Variants in AQP1 observed in about 807,000 individuals in gnomAD.
AQP1 encodes aquaporin-1.
In AQP1, 11 loss-of-function variants were observed where a neutral mutation model predicts 19.7. That is an observed-to-expected ratio of 0.56 (90% CI 0.35 to 0.92). The LOEUF (loss-of-function observed/expected upper bound fraction) is 0.92. AQP1 is among the 40% of genes least tolerant of loss of function. The probability of loss-of-function intolerance (pLI) is 0.01; values close to 1 mark genes in which losing one functional copy is unlikely to be tolerated. For missense variants in AQP1, 320 were observed against 369.7 expected (o/e 0.87, Z 1.10); for synonymous variants, 159 against 166.7 (o/e 0.95, Z 0.36).
chr7:30,920,334 C>G (rs937732494), intron 1 of AQP1, among the ~76,000 whole-genome samples: 1 of 152,200 alleles, frequency 6.6e-6, no homozygotes, highest in Non-Finnish European at 1.5e-5. Flanking sequence ...ACAGGGGCCT[C>G]ACAGGTGCAA....
In AQP1 at chr7:30,924,901, G is replaced by GTCACTGCAACCTCCACCTCCCGGGTTCAA. The variant is rs1562581869; in HGVS notation, c.*1272_*1273insTCACTGCAACCTCCACCTCCCGGGTTCAA. 1 of 152,262 alleles carries GTCACTGCAACCTCCACCTCCCGGGTTCAA rather than the reference G, an allele frequency of 6.6e-6. No homozygotes were observed. The highest frequency in any genetic ancestry group is 6.5e-5 in the Admixed American group (1 of 15,286). 9.4% of individuals were successfully genotyped at this position (152,262 alleles called of 1,614,324 possible). Reference sequence around the variant, plus strand: ...CCTTCCCTCTGCATTGACCTGGAGGGGAGAGGTCAGCCTTGACCTAATGAG... The same window carrying GTCACTGCAACCTCCACCTCCCGGGTTCAA: ...CCTTCCCTCTGCATTGACCTGGAGGGTCACTGCAACCTCCACCTCCCGGGTTCAAGAGAGGTCAGCCTTGACCTAATGAG... On this transcript the variant is annotated 3_prime_UTR_variant, in exon 4 of 4. Coordinates refer to ENST00000311813, the MANE Select transcript of AQP1 (RefSeq NM_198098.4).
Position 30,922,224 on chromosome 7 carries a change from C to G in AQP1, c.543C>G (p.Leu181=). 1 of 1,602,528 alleles carries G rather than the reference C, an allele frequency of 6.2e-7. No individual in the cohort carries two copies. The stretch of plus-strand genomic sequence containing the variant: ...GCCTCTCTGTAGCCCTTGGACACCT[C>G]CTGGCTGTGAGTCAGGGGCCCTCCC... ...AIGLSVALGH[L]LAIDYTGCGI... Residue 181 remains leucine (L), a synonymous_variant, in exon 2 of 4, where the codon CTC becomes CTG. Transcript: ENST00000311813.
rs542134251 is a variant in AQP1 at position 30,912,415 on chromosome 7, A to C, written c.384+122A>C. Reference sequence around the variant, plus strand: ...AACGGAGAGGACAAGAGGTTGCTGGAGGTCACGTAGAGAGCTGGGGGGAAG... The same window carrying C: ...AACGGAGAGGACAAGAGGTTGCTGGCGGTCACGTAGAGAGCTGGGGGGAAG... On this transcript the variant is annotated intron_variant, in intron 1 of 3. Coordinates refer to ENST00000311813, the MANE Select transcript of AQP1 (RefSeq NM_198098.4). The surrounding 1 kb of genome is among the most constrained non-coding windows in gnomAD (Gnocchi z 4.3). 2 of 1,419,322 alleles carry C rather than the reference A, an allele frequency of 1.4e-6. No individual in the cohort carries two copies. Among genetic ancestry groups the C allele is most frequent in the Non-Finnish European group, 1.9e-6 (2 of 1,053,520 alleles). 87.9% of individuals were successfully genotyped at this position (1,419,322 alleles called of 1,614,324 possible). A position where few individuals can be genotyped will look rare whatever the true frequency, so the allele number is the denominator to read the frequency against.
At chr7:30,916,275 C>T (rs1314831707) in intron 1 of AQP1, among the ~76,000 whole-genome samples, 3 of 152,222 alleles carry the variant, frequency 2.0e-5, no homozygotes, top group Non-Finnish European at 4.4e-5. Context: ...ACCTTGCCTT[C>T]CCTTCTCCAC....
intron 1 of AQP1, chr7:30,921,578 G>A: frequency 6.5e-7 from 1 of 1,548,470 alleles, no homozygotes. Flanking sequence ...CTCAGCCCTG[G>A]AATTTAGATG....
chr7:30,923,612 G>A lies in AQP1; in HGVS notation c.793G>A (p.Glu265Lys). ...LDADDINSRV[E>K]MKPK ...TGCCGACGACATCAACTCCAGGGTG[G>A]AGATGAAGCCCAAATAGAAGGGGTC... Residue 265 changes from glutamate to lysine, a missense_variant, in exon 4 of 4, where the codon GAG becomes AAG. Physicochemically the swap from Glu to Lys is moderately conservative, Grantham distance 56 (BLOSUM62 1). Transcript: ENST00000311813. The surrounding 1 kb of genome is among the most constrained non-coding windows in gnomAD (Gnocchi z 4.8). The A allele has an allele frequency of 6.4e-7, 1 of 1,565,448 alleles. No individual in the cohort carries two copies.
At chr7:30,921,805 G>A (rs1291697153) in intron 1 of AQP1, 1 of 1,550,428 alleles carries the variant, frequency 6.4e-7, no homozygotes, top group Admixed American at 2.0e-5. Context: ...GGCCTCTCCA[G>A]CTTCTAGGCA....
rs1184690490 is a variant in AQP1 at position 30,923,841 on chromosome 7, C to T, written c.*212C>T. 1.3e-6 allele frequency: 2 copies of T among 1,524,198 alleles called. No individual in the cohort carries two copies. The allele number at this position is 1,524,198 out of a possible 1,614,324, so 94.4% of individuals were successfully genotyped here. Reference sequence around the variant, plus strand: ...CCTGGCCTCAGAGCTTCCTGGGGACCAAGATTTACCAATTCACCCACTCCC... The same window carrying T: ...CCTGGCCTCAGAGCTTCCTGGGGACTAAGATTTACCAATTCACCCACTCCC... On this transcript the variant is annotated 3_prime_UTR_variant, in exon 4 of 4. Transcript: ENST00000311813. The surrounding 1 kb of genome is among the most constrained non-coding windows in gnomAD (Gnocchi z 4.8).
Position 30,922,101 on chromosome 7 carries a change from C to A in AQP1, c.420C>A (p.Gly140=), listed in dbSNP as rs775584127. 1 of 1,614,104 alleles carries A rather than the reference C, an allele frequency of 6.2e-7. No homozygotes were observed. The highest frequency in any genetic ancestry group is 8.5e-7 in the Non-Finnish European group (1 of 1,180,032). ...ADGVNSGQGL[G]IEIIGTLQLV... ...GTGTGAACTCGGGCCAGGGCCTGGG[C>A]ATCGAGATCATCGGGACCCTCCAGC... The change falls in exon 2 of 4, where the codon GGC becomes GGA. Residue 140 remains glycine (G), a synonymous_variant. Coordinates refer to ENST00000311813, the MANE Select transcript of AQP1 (RefSeq NM_198098.4).
Position 30,921,864 on chromosome 7 carries a change from A to C in AQP1, c.385-202A>C, listed in dbSNP as rs748964778. Reference sequence around the variant, plus strand: ...GTATTAGGGGCTGGGCTGGAGTTTCATTAACACAGGGGGTGGGTTCAAGGC... The same window carrying C: ...GTATTAGGGGCTGGGCTGGAGTTTCCTTAACACAGGGGGTGGGTTCAAGGC... On this transcript the variant is annotated intron_variant, in intron 1 of 3. Coordinates refer to ENST00000311813, the MANE Select transcript of AQP1 (RefSeq NM_198098.4). 6.5e-6 allele frequency: 10 copies of C among 1,539,248 alleles called. No individual in the cohort carries two copies. The Admixed American group carries it at 8.0e-5, about 12-fold the overall frequency.
In AQP1 at chr7:30,912,410, G is replaced by C; in HGVS notation, c.384+117G>C. On this transcript the variant is annotated intron_variant, in intron 1 of 3. Transcript: ENST00000311813. This position sits in a 1 kb window ranked among gnomAD's most constrained non-coding sequence, Gnocchi z 4.3. ...TGAGGAACGGAGAGGACAAGAGGTT[G>C]CTGGAGGTCACGTAGAGAGCTGGGG... 1 of 1,456,928 alleles carries C rather than the reference G, an allele frequency of 6.9e-7. No individual in the cohort carries two copies. Among genetic ancestry groups the C allele is most frequent in the Non-Finnish European group, 9.2e-7 (1 of 1,082,370 alleles). 90.3% of individuals were successfully genotyped at this position (1,456,928 alleles called of 1,614,324 possible). A position where few individuals can be genotyped will look rare whatever the true frequency, so the allele number is the denominator to read the frequency against.
chr7:30,924,736 T>G lies in AQP1; in HGVS notation c.*1107T>G, dbSNP rs1237086321. 2 of 152,276 alleles carry G rather than the reference T, an allele frequency of 1.3e-5. No individual in the cohort carries two copies. The highest frequency in any genetic ancestry group is 2.4e-5 in the African/African-American group (1 of 41,460). 9.4% of individuals were successfully genotyped at this position (152,276 alleles called of 1,614,324 possible). A position where few individuals can be genotyped will look rare whatever the true frequency, so the allele number is the denominator to read the frequency against. ...AGCCCATGGAGGCAGATGCCCTTGC[T>G]GGGCCTGGGGGTTTTCCAAGCCCTC... On this transcript the variant is annotated 3_prime_UTR_variant, in exon 4 of 4. Coordinates refer to ENST00000311813, the MANE Select transcript of AQP1 (RefSeq NM_198098.4).
At chr7:30,920,667 T>C (rs1791477066) in intron 1 of AQP1, among the ~76,000 whole-genome samples, 1 of 152,226 alleles carries the variant, frequency 6.6e-6, no homozygotes, top group African/African-American at 2.4e-5. Flanking sequence ...GAATAGGCCA[T>C]GCTCATGGTG....
chr7:30,923,545 G>A lies in AQP1; in HGVS notation c.726G>A (p.Val242=). ...APRSSDLTDR[V]KVWTSGQVEE... ...GCAGCAGTGACCTCACAGACCGCGTGAAGGTGTGGACCAGCGGCCAGGTGG... is the reference window on the plus strand; with the variant it reads ...GCAGCAGTGACCTCACAGACCGCGTAAAGGTGTGGACCAGCGGCCAGGTGG... Residue 242 remains valine (V), a synonymous_variant, in exon 4 of 4, where the codon GTG becomes GTA. Transcript: ENST00000311813. This position sits in a 1 kb window ranked among gnomAD's most constrained non-coding sequence, Gnocchi z 4.8. 1 of 1,614,198 alleles carries A rather than the reference G, an allele frequency of 6.2e-7. No individual in the cohort carries two copies. The highest frequency in any genetic ancestry group is 2.2e-5 in the East Asian group (1 of 44,876).
chr7:30,917,936 A>G (rs1791399274), intron 1 of AQP1, among the ~76,000 whole-genome samples: 1 of 150,320 alleles, frequency 6.7e-6, no homozygotes, highest in African/African-American at 2.5e-5. Flanking sequence ...CCCCTCATTT[A>G]TTTTTAGGCT....
At chr7:30,916,488 C>T (rs899745041) in intron 1 of AQP1, among the ~76,000 whole-genome samples, 6 of 152,228 alleles carry the variant, frequency 3.9e-5, no homozygotes, top group South Asian at 2.1e-4. Context: ...ATGCTGTCCG[C>T]GAGGCCCTGC....
rs1268893572 is a variant in AQP1 at position 30,923,830 on chromosome 7, T to C, written c.*201T>C. On this transcript the variant is annotated 3_prime_UTR_variant, in exon 4 of 4. Transcript: ENST00000311813. This position sits in a 1 kb window ranked among gnomAD's most constrained non-coding sequence, Gnocchi z 4.8. Reference sequence around the variant, plus strand: ...TCTTTCTGTTTCCTGGCCTCAGAGCTTCCTGGGGACCAAGATTTACCAATT... The same window carrying C: ...TCTTTCTGTTTCCTGGCCTCAGAGCCTCCTGGGGACCAAGATTTACCAATT... 5.2e-6 allele frequency: 8 copies of C among 1,527,486 alleles called. 1 individual carries two copies. The Admixed American group carries it at 1.3e-4, about 25-fold the overall frequency. 94.6% of individuals were successfully genotyped at this position (1,527,486 alleles called of 1,614,324 possible).
chr7:30,922,172 T>G lies in AQP1; in HGVS notation c.491T>G (p.Leu164Arg). ...LATTDRRRRD[L>R]GGSAPLAIGL... Reference sequence around the variant, plus strand: ...ACTACCGACCGGAGGCGCCGTGACCTTGGTGGCTCAGCCCCCCTTGCCATC... The same window carrying G: ...ACTACCGACCGGAGGCGCCGTGACCGTGGTGGCTCAGCCCCCCTTGCCATC... The change falls in exon 2 of 4, where the codon CTT becomes CGT. Residue 164 changes from leucine to arginine, a missense_variant. By Grantham distance (102) the Leu-to-Arg change is moderately radical. Coordinates refer to ENST00000311813, the MANE Select transcript of AQP1 (RefSeq NM_198098.4). 6.2e-7 allele frequency: 1 copy of G among 1,613,128 alleles called. No individual in the cohort carries two copies. The highest frequency in any genetic ancestry group is 8.5e-7 in the Non-Finnish European group (1 of 1,179,992).
rs1791203130 is a variant in AQP1, at chr7:30,912,913, A to G, written c.384+620A>G. Among the ~76,000 whole-genome samples, 1 of 152,106 alleles carries G rather than the reference A, an allele frequency of 6.6e-6. No individual in the cohort carries two copies. Among genetic ancestry groups the G allele is most frequent in the African/African-American group, 2.4e-5 (1 of 41,414 alleles). ...TTTGAAGGCAGTTTTCCTGGATTAC[A>G]GTATGGGCTGGGGGGCAAGCGCTGG... On this transcript the variant is annotated intron_variant, in intron 1 of 3. Transcript: ENST00000311813. This position sits in a 1 kb window ranked among gnomAD's most constrained non-coding sequence, Gnocchi z 4.3.
Sources: gnomAD v4.1 joint callset for allele counts (sites outside exome capture counted in the v4.1 genomes callset) on GRCh38, gnomAD v4.1.1 for gene constraint, Gnocchi (gnomAD v3.1) non-coding constraint, MANE v1.5 for transcripts, NCBI Gene and HGNC (gene_info 2026-07-23, HGNC 2026-07-21) for gene names.